Variants in GSE1 observed in about 807,000 individuals in gnomAD.
GSE1 encodes the protein genetic suppressor element 1.
In GSE1, 32 loss-of-function variants were observed where a neutral mutation model predicts 112.6. The ratio of observed to expected loss-of-function variants is 0.28; its 90% confidence interval spans 0.21 to 0.38. GSE1 has a LOEUF of 0.38. Among genes scored for constraint, GSE1 ranks in the 10% least tolerant of loss-of-function variants. GSE1 has a pLI of 1.00. For missense variants in GSE1, 2,348 were observed against 1,699.2 expected (o/e 1.38, Z -6.71); for synonymous variants, 1,115 against 735.6 (o/e 1.52, Z -8.35).
upstream of GSE1, among the ~76,000 whole-genome samples, chr16:85,610,213 G>A (rs2047905038): frequency 6.6e-6 from 1 of 152,230 alleles, no homozygotes; most frequent in African/African-American, 2.4e-5. Flanking sequence ...GGAGCACCGC[G>A]TGCAGCATCC....
chr16:85,175,348 A>T (rs946611254), intron 1 of GSE1, among the ~76,000 whole-genome samples: 3 of 151,974 alleles, frequency 2.0e-5, no homozygotes, highest in Admixed American at 2.0e-4. Flanking sequence ...CCAAGGACGG[A>T]CCCTTCCCTG....
chr16:85,655,125 C>A, intron 5 of GSE1, 134 bp downstream of exon 5: 1 of 670,128 alleles, frequency 1.5e-6, no homozygotes, highest in Non-Finnish European at 2.6e-6. Flanking sequence ...CCCCTGAAAT[C>A]GTCCCCAGCT....
intron 2 of GSE1, among the ~76,000 whole-genome samples, chr16:85,514,819 T>C (rs115805389): frequency 0.019 from 2,872 of 152,294 alleles, 90 homozygotes; most frequent in African/African-American, 0.066. Context: ...CTCCTCTCCC[T>C]GTCCCTGCAG....
chr16:85,415,729 T>G (rs2048689566), intron 2 of GSE1, among the ~76,000 whole-genome samples: 1 of 152,244 alleles, frequency 6.6e-6, no homozygotes, highest in African/African-American at 2.4e-5. Context: ...CTCCAGAAAC[T>G]TACGGCTTGT....
At chr16:85,635,580 T>C (rs2049928033) in intron 2 of GSE1, among the ~76,000 whole-genome samples, 1 of 152,134 alleles carries the variant, frequency 6.6e-6, no homozygotes, top group Non-Finnish European at 1.5e-5. Flanking sequence ...AGACTCGGGC[T>C]CTCCTGAGAG....
At chr16:85,446,609 T>C (rs1434575360) in intron 2 of GSE1, among the ~76,000 whole-genome samples, 2 of 152,078 alleles carry the variant, frequency 1.3e-5, no homozygotes, top group Non-Finnish European at 2.9e-5. Context: ...GGGGTGGGGC[T>C]CGACCCCTAT....
At chr16:85,547,010 G>A (rs1290829305) in intron 2 of GSE1, among the ~76,000 whole-genome samples, 1 of 152,216 alleles carries the variant, frequency 6.6e-6, no homozygotes, top group African/African-American at 2.4e-5. Context: ...CGGCGGGCAG[G>A]TCCCAGTGGA....
intron 1 of GSE1, among the ~76,000 whole-genome samples, chr16:85,602,690 C>G (rs1217248709): frequency 1.3e-5 from 2 of 152,178 alleles, no homozygotes; most frequent in South Asian, 2.1e-4. Flanking sequence ...AGAGGAAAGC[C>G]CCTCACCCAG....
rs564799044 is a variant in GSE1 at position 85,200,297 on chromosome 16, C to T, written c.2283+28490C>T. Among the ~76,000 whole-genome samples, 15 of 151,910 alleles carry T rather than the reference C, an allele frequency of 9.9e-5. No individual in the cohort carries two copies. The South Asian group carries it at 1.7e-3, about 17-fold the overall frequency. ...CCTTGGATGTTTTTCCTATCTCCCACGGCAGGTGGGCTCGCCAACCTCACC... is the reference window on the plus strand; with the variant it reads ...CCTTGGATGTTTTTCCTATCTCCCATGGCAGGTGGGCTCGCCAACCTCACC... On this transcript the variant is annotated intron_variant, in intron 1 of 2. Transcript: ENST00000637419.
intron 1 of GSE1, among the ~76,000 whole-genome samples, chr16:85,296,402 C>G (rs2045368199): frequency 6.6e-6 from 1 of 152,030 alleles, no homozygotes; most frequent in Non-Finnish European, 1.5e-5. Context: ...CTCAGGAGTT[C>G]AAGATCAGCC....
intron 2 of GSE1, among the ~76,000 whole-genome samples, chr16:85,411,614 C>T (rs180898861): frequency 2.0e-3 from 21 of 10,406 alleles, no homozygotes; most frequent in Non-Finnish European, 3.1e-3. Context: ...AGGGCCCCCC[C>T]GGATAATTCT....
chr16:85,525,025 C>G lies in GSE1; in HGVS notation c.2465-108889C>G, dbSNP rs377647848. ...CTGCTCCCTGGGGTGATCCGGCCGT[C>G]TCACTGGCTGCCCGCAGCCTCTGCT... On this transcript the variant is annotated intron_variant, in intron 2 of 2. Transcript: ENST00000637419. Among the ~76,000 whole-genome samples the G allele has an allele frequency of 6.5e-4, 99 of 152,326 alleles. No homozygotes were observed. The East Asian group carries it at 0.011, about 17-fold the overall frequency.
intron 1 of GSE1, among the ~76,000 whole-genome samples, chr16:85,222,281 A>T (rs760302374): frequency 1.3e-5 from 2 of 152,134 alleles, no homozygotes; most frequent in Non-Finnish European, 2.9e-5. Context: ...GAATGTCAGC[A>T]TGGGAGCCCA....
chr16:85,528,924 G>C (rs1190203865), intron 2 of GSE1, among the ~76,000 whole-genome samples: 2 of 152,178 alleles, frequency 1.3e-5, no homozygotes, highest in African/African-American at 4.8e-5. Context: ...ATCAGCGAGT[G>C]GGAGGAAAAT....
intron 1 of GSE1, among the ~76,000 whole-genome samples, chr16:85,294,223 C>T (rs751592278): frequency 6.6e-6 from 1 of 152,190 alleles, no homozygotes; most frequent in African/African-American, 2.4e-5. Flanking sequence ...CTCTTGAAAA[C>T]CTGATGCTTC....
chr16:85,373,778 C>G lies in GSE1; in HGVS notation c.2464+16135C>G, dbSNP rs2047351769. On this transcript the variant is annotated intron_variant, in intron 2 of 2. Coordinates refer to the GSE1 transcript ENST00000637419. The surrounding 1 kb of genome is among the most constrained non-coding windows in gnomAD (Gnocchi z 5.1). ...GCCTTCTCCCGGCAGGCCTGGGGAC[C>G]CTGGATCCCCGAGGCAGCCCAGGGC... Among the ~76,000 whole-genome samples the G allele has an allele frequency of 6.6e-6, 1 of 152,114 alleles. No individual in the cohort carries two copies. The highest frequency in any genetic ancestry group is 1.5e-5 in the Non-Finnish European group (1 of 68,016).
chr16:85,652,565 G>C (rs139600457), intron 3 of GSE1, among the ~76,000 whole-genome samples: 14 of 151,752 alleles, frequency 9.2e-5, no homozygotes, highest in African/African-American at 2.9e-4. Flanking sequence ...GGCGGCGGCG[G>C]CTCCTCCAGT....
chr16:85,417,752 C>T (rs12931058), intron 2 of GSE1, among the ~76,000 whole-genome samples: 26,991 of 152,278 alleles, frequency 0.18, 2,598 homozygotes, highest in Middle Eastern at 0.3. Context: ...CAGCATCCGT[C>T]GCAGGACGTG....
chr16:85,609,366 T>C (rs1290388513), upstream of GSE1, among the ~76,000 whole-genome samples: 1 of 152,254 alleles, frequency 6.6e-6, no homozygotes, highest in Non-Finnish European at 1.5e-5. Context: ...CGCGAGTAGC[T>C]GGGACCACAG....
Sources: gnomAD v4.1 joint callset for allele counts (sites outside exome capture counted in the v4.1 genomes callset) on GRCh38, gnomAD v4.1.1 for gene constraint, Gnocchi (gnomAD v3.1) non-coding constraint, MANE v1.5 for transcripts, NCBI Gene and HGNC (gene_info 2026-07-23, HGNC 2026-07-21) for gene names.